The following SAFB2 variants were observed in gnomAD, a reference collection of about 807,000 sequenced individuals.
The protein encoded by SAFB2 is scaffold attachment factor B2.
SAFB2 carries 32 observed loss-of-function variants against 100.6 expected under a neutral mutation model. The observed-to-expected ratio is 0.32, with a 90% CI of 0.24 to 0.43. The LOEUF is 0.43. SAFB2 is among the 20% of genes least tolerant of loss of function. SAFB2 has a pLI of 1.00. For synonymous variants in SAFB2, 500 were observed against 439.4 expected, an observed-to-expected ratio of 1.14 and a Z score of -1.72; for missense variants, 1,185 against 1,163.4, an observed-to-expected ratio of 1.02 and a Z score of -0.27.
chr19:5,598,983 G>A (rs1340988895), intron 12 of SAFB2, 99 bp from the exon 13 acceptor site: 3 of 1,046,002 alleles, frequency 2.9e-6, no homozygotes, highest in Non-Finnish European at 4.3e-6. Flanking sequence ...GAACACACAA[G>A]GCGTGAGTCA....
intron 5 of SAFB2, among the ~76,000 whole-genome samples, chr19:5,613,021 A>G (rs2052942529): frequency 6.6e-6 from 1 of 152,248 alleles, no homozygotes. Context: ...ACTTAGGACA[A>G]TAGGTCCAAT....
At chr19:5,592,973 G>A (rs2052446694) in intron 15 of SAFB2, 86 bp from the exon 16 acceptor site, 4 of 1,268,846 alleles carry the variant, frequency 3.2e-6, no homozygotes, top group African/African-American at 1.5e-5. Context: ...GGGGAGGGGA[G>A]CTCTCTCCCC....
intron 9 of SAFB2, among the ~76,000 whole-genome samples, chr19:5,607,454 G>A (rs752542254): frequency 1.8e-4 from 27 of 152,244 alleles, no homozygotes; most frequent in African/African-American, 4.8e-4. Context: ...CTTGCACTAC[G>A]CTGAAACCAA....
chr19:5,595,394 C>T lies in SAFB2; in HGVS notation c.1886G>A (p.Arg629Gln), dbSNP rs756630475. Residue 629 changes from arginine to glutamine, a missense_variant, in exon 14 of 21, where the codon CGG becomes CAG. Arg to Gln is a conservative substitution (Grantham distance 43). Around this residue, in one of 3 missense-constraint regions of SAFB2, gnomAD observed 740 missense variants for 687.1 expected, o/e 1.08. Transcript: ENST00000252542. Reference protein sequence around the residue: ...EQRERERQRQREREIRETERR... With the variant: ...EQRERERQRQQEREIRETERR... ...CTCCGTTTCGCGGATCTCCCGTTCC[C>T]GCTGCCTCTGGCGCTCTCTCTCCCT... 1.2e-5 allele frequency: 19 copies of T among 1,612,794 alleles called. No individual in the cohort carries two copies. Among genetic ancestry groups the T allele is most frequent in the Admixed American group, 5.0e-5 (3 of 60,006 alleles).
chr19:5,597,193 G>A (rs1005813297), intron 13 of SAFB2, among the ~76,000 whole-genome samples: 2 of 152,146 alleles, frequency 1.3e-5, no homozygotes, highest in African/African-American at 2.4e-5. Flanking sequence ...ACTTACTAGC[G>A]ACCTGGCAGG....
rs16993056 is a variant in SAFB2, at chr19:5,599,035, T to C, written c.1691-151A>G. On this transcript the variant is annotated intron_variant, in intron 12 of 20. Transcript: ENST00000252542. ...CTTGGGAGCCTCTAATTCTCATCTA[T>C]TGTGAGCAACACGGTAACACGGGCA... 2,292 of 676,856 alleles carry C rather than the reference T, an allele frequency of 3.4e-3. 38 individuals are homozygous for C. In the African/African-American group the frequency reaches 0.036, roughly 11 times the overall value. The allele number at this position is 676,856 out of a possible 1,614,324, so 41.9% of individuals were successfully genotyped here.
chr19:5,588,453 G>T (rs886825544), intron 18 of SAFB2, among the ~76,000 whole-genome samples: 7 of 152,166 alleles, frequency 4.6e-5, no homozygotes, highest in African/African-American at 1.7e-4. Flanking sequence ...TGTTCCTAGC[G>T]GCAGGATTCC....
chr19:5,590,021 C>G (rs2052356279), intron 18 of SAFB2, among the ~76,000 whole-genome samples: 1 of 152,198 alleles, frequency 6.6e-6, no homozygotes, highest in Non-Finnish European at 1.5e-5. Context: ...TTCACAACTG[C>G]AGGCGACCCC....
intron 18 of SAFB2, among the ~76,000 whole-genome samples, chr19:5,589,893 A>G (rs1417687372): frequency 6.6e-6 from 1 of 152,122 alleles, no homozygotes; most frequent in Admixed American, 6.5e-5. Context: ...AACCCGAGGA[A>G]GACACGTGTC....
intron 12 of SAFB2, 120 bp from the exon 13 acceptor site, chr19:5,599,004 A>G (rs1208384255): frequency 5.3e-5 from 44 of 827,662 alleles, no homozygotes; most frequent in Non-Finnish European, 8.5e-5. Context: ...AGTGACTGAC[A>G]CTAGCCTTGG....
Position 5,621,474 on chromosome 19 carries a change from C to G in SAFB2, c.187-78G>C. ...CTGTTCCTTACAAGTAACAACCTCC[C>G]ATGAAACAAAGGCAAACCCGTCCTT... On this transcript the variant is annotated intron_variant, in intron 1 of 20. Transcript: ENST00000252542. 3 of 969,296 alleles carry G rather than the reference C, an allele frequency of 3.1e-6. No homozygotes were observed. The South Asian group carries it at 3.8e-5, about 12-fold the overall frequency. 60.0% of individuals were successfully genotyped at this position (969,296 alleles called of 1,614,324 possible). A position where few individuals can be genotyped will look rare whatever the true frequency, so the allele number is the denominator to read the frequency against.
chr19:5,593,762 G>C, intron 15 of SAFB2, 129 bp downstream of exon 15: 1 of 1,036,870 alleles, frequency 9.6e-7, no homozygotes, highest in African/African-American at 1.7e-5. Flanking sequence ...GGTCCCCAAG[G>C]CGCATGCTCC....
intron 13 of SAFB2, among the ~76,000 whole-genome samples, chr19:5,597,011 G>A (rs146364752): frequency 3.9e-5 from 6 of 152,262 alleles, no homozygotes; most frequent in Non-Finnish European, 8.8e-5. Context: ...ACACAGGAGA[G>A]ACACACATCA....
At position 5,622,638 on chromosome 19, in the gene SAFB2, C is replaced by T. The variant is rs921751596; in HGVS notation, c.78G>A (p.Gly26=). The change falls in exon 1 of 21, where the codon GGG becomes GGA. Residue 26 remains glycine, a synonymous_variant. Transcript: ENST00000252542. The part of the protein sequence containing the change: ...ASLGPGVAET[G]TRRLSELRVI... ...CCCGCAGCTCGCTGAGCCGCCTCGT[C>T]CCAGTCTCCGCAACGCCCGGGCCGA... 2 of 1,611,646 alleles carry T rather than the reference C, an allele frequency of 1.2e-6. No homozygotes were observed. The highest frequency in any genetic ancestry group is 1.7e-6 in the Non-Finnish European group (2 of 1,179,530).
intron 12 of SAFB2, 142 bp downstream of exon 12, chr19:5,599,988 A>T: frequency 1.2e-6 from 1 of 837,838 alleles, no homozygotes; most frequent in East Asian, 2.5e-5. Context: ...TCATCAACAG[A>T]CTCTTGTTTC....
chr19:5,607,638 G>T (rs2052805338), intron 9 of SAFB2, among the ~76,000 whole-genome samples: 1 of 152,208 alleles, frequency 6.6e-6, no homozygotes, highest in South Asian at 2.1e-4. Flanking sequence ...ACAGAAAATA[G>T]AGAACAAGAC....
intron 18 of SAFB2, chr19:5,588,770 G>A (rs2052322158): frequency 6.6e-6 from 1 of 152,224 alleles, no homozygotes; most frequent in Non-Finnish European, 1.5e-5. Context: ...TGATGAAAAT[G>A]CTTCAGAATC....
Position 5,587,107 on chromosome 19 carries a change from A to T in SAFB2, c.*136T>A. On this transcript the variant is annotated 3_prime_UTR_variant, in exon 21 of 21. Coordinates refer to ENST00000252542, the MANE Select transcript of SAFB2 (RefSeq NM_014649.3). The surrounding 1 kb of genome is among the most constrained non-coding windows in gnomAD (Gnocchi z 4.9). ...TTTATTTAAAAAAAAAAAAAAAGTG[A>T]GTTCACATTGTATTGAGCTACAACA... is the stretch of plus-strand genomic sequence containing the variant. 3.3e-5 allele frequency: 32 copies of T among 984,204 alleles called. No homozygotes were observed. The highest frequency in any genetic ancestry group is 4.6e-5 in the Non-Finnish European group (31 of 680,518). 61.0% of individuals were successfully genotyped at this position (984,204 alleles called of 1,614,324 possible).
At chr19:5,616,584 C>A in intron 2 of SAFB2, 98 bp from the exon 3 acceptor site, 5 of 872,428 alleles carry the variant, frequency 5.7e-6, no homozygotes, top group Admixed American at 3.7e-5. Context: ...GAACACATTA[C>A]AAGATAAACT....
Sources: allele counts gnomAD v4.1 joint callset (sites outside exome capture counted in the v4.1 genomes callset), GRCh38; gene constraint gnomAD v4.1.1; regional missense constraint gnomAD v4.1.1; non-coding constraint Gnocchi (gnomAD v3.1); transcripts MANE v1.5; gene names NCBI Gene and HGNC (gene_info 2026-07-23, HGNC 2026-07-21).